VSIG10: variants seen among roughly 807,000 people sequenced by gnomAD.
VSIG10 encodes the protein V-set and immunoglobulin domain-containing protein 10.
In VSIG10, 48 loss-of-function variants were observed where a neutral mutation model predicts 58.7. The observed-to-expected ratio is 0.82, with a 90% CI of 0.65 to 1.04. The LOEUF is 1.04. Among genes scored for constraint, VSIG10 ranks in the 50% least tolerant of loss-of-function variants. The pLI, the probability that VSIG10 is intolerant of heterozygous loss-of-function variation, is 0.00. For synonymous variants in VSIG10, 260 were observed against 267.1 expected (o/e 0.97, Z 0.26); for missense variants, 628 against 670.0 (o/e 0.94, Z 0.69).
chr12:118,088,599 G>A (rs771708311), intron 2 of VSIG10, among the ~76,000 whole-genome samples: 13 of 152,098 alleles, frequency 8.5e-5, no homozygotes, highest in African/African-American at 1.9e-4. Flanking sequence ...CTAAATCTAC[G>A]CAAAAATGAG....
At chr12:118,071,585 G>A in intron 5 of VSIG10, 116 bp from the exon 6 acceptor site, 1 of 877,540 alleles carries the variant, frequency 1.1e-6, no homozygotes, top group Non-Finnish European at 1.9e-6. Context: ...CTTGGGTAAG[G>A]CTTATGACCT....
chr12:118,083,636 G>A (rs1230782276), intron 2 of VSIG10, among the ~76,000 whole-genome samples: 2 of 151,720 alleles, frequency 1.3e-5, no homozygotes, highest in African/African-American at 4.8e-5. Context: ...AGTCCCAGGC[G>A]CCCCCAGCAG....
rs766337791 is a variant in VSIG10, at chr12:118,087,855, A to AAAAAAAG, written c.362-5427_362-5426insCTTTTTT. Among the ~76,000 whole-genome samples, 14 of 131,318 alleles carry AAAAAAAG rather than the reference A, an allele frequency of 1.1e-4. No homozygotes were observed. The East Asian group carries it at 1.5e-3, about 14-fold the overall frequency. 86.1% of individuals were successfully genotyped at this position (131,318 alleles called of 152,430 possible). On this transcript the variant is annotated intron_variant, in intron 2 of 8. Transcript: ENST00000359236. ...CCTGTCTCAAAAAAAAAAAAAAAAA[A>AAAAAAAG]AGAGAGAGAAGGAGGTAATGTGACT...
rs971036199 is a variant in VSIG10 at position 118,087,209 on chromosome 12, T to G, written c.362-4780A>C. The stretch of plus-strand genomic sequence containing the variant: ...AAGACCCTTCAACTTCACCTTTCAA[T>G]TAACAGGGAGCAGTGCATACTCTTG... On this transcript the variant is annotated intron_variant, in intron 2 of 8. Transcript: ENST00000359236. Among the ~76,000 whole-genome samples, 5 of 152,116 alleles carry G rather than the reference T, an allele frequency of 3.3e-5. No homozygotes were observed. In the South Asian group the frequency reaches 8.3e-4, roughly 25 times the overall value.
At chr12:118,087,088 A>AAAAG (rs1174196645) in intron 2 of VSIG10, among the ~76,000 whole-genome samples, 4 of 151,888 alleles carry the variant, frequency 2.6e-5, no homozygotes, top group Admixed American at 1.3e-4. Context: ...AAAAAAAAAA[A>AAAAG]AAAGAAAGAA....
In VSIG10 at chr12:118,066,429, T is replaced by C. The variant is rs533725410; in HGVS notation, c.*210A>G. 11 of 591,784 alleles carry C rather than the reference T, an allele frequency of 1.9e-5. No homozygotes were observed. Among genetic ancestry groups the C allele is most frequent in the South Asian group, 1.7e-4 (9 of 51,796 alleles). 36.7% of individuals were successfully genotyped at this position (591,784 alleles called of 1,614,324 possible). ...TCCTTCTCAAAGCTTTTAAACATCA[T>C]TGGGAAAACTTAGAGCAAATCAAAC... On this transcript the variant is annotated 3_prime_UTR_variant, in exon 9 of 9. Transcript: ENST00000359236.
Position 118,068,614 on chromosome 12 carries a change from A to G in VSIG10, c.1347-17T>C. On this transcript the variant is annotated splice_polypyrimidine_tract_variant and intron_variant, in intron 7 of 8. Coordinates refer to ENST00000359236, the MANE Select transcript of VSIG10 (RefSeq NM_019086.6). Reference sequence around the variant, plus strand: ...TTTTGTCCCCTAATTTCCAAAGGGGAAAAATAATCAAGAAGATTTCTTATT... The same window carrying G: ...TTTTGTCCCCTAATTTCCAAAGGGGGAAAATAATCAAGAAGATTTCTTATT... 1 of 1,515,482 alleles carries G rather than the reference A, an allele frequency of 6.6e-7. No homozygotes were observed. Among genetic ancestry groups the G allele is most frequent in the Non-Finnish European group, 8.9e-7 (1 of 1,128,578 alleles). 93.9% of individuals were successfully genotyped at this position (1,515,482 alleles called of 1,614,324 possible).
Position 118,082,441 on chromosome 12 carries a change from A to G in VSIG10, c.362-12T>C, listed in dbSNP as rs755314184. 4 of 1,601,740 alleles carry G rather than the reference A, an allele frequency of 2.5e-6. No individual in the cohort carries two copies. Among genetic ancestry groups the G allele is most frequent in the Admixed American group, 3.4e-5 (2 of 59,378 alleles). On this transcript the variant is annotated splice_polypyrimidine_tract_variant and intron_variant, in intron 2 of 8. Coordinates refer to ENST00000359236, the MANE Select transcript of VSIG10 (RefSeq NM_019086.6). ...CTGATAGGGGCCGCCTGGGGATGAC[A>G]GGGGGAATAGGATGGCATTAATTAT...
rs201381615 is a variant in VSIG10, at chr12:118,079,423, G to A, written c.848C>T (p.Ser283Leu). The A allele has an allele frequency of 1.1e-3, 1,710 of 1,613,962 alleles. 4 individuals carry two copies. The highest frequency in any genetic ancestry group is 1.2e-3 in the Non-Finnish European group (1,405 of 1,179,888). Residue 283 changes from serine (S) to leucine (L), a missense_variant, in exon 4 of 9, where the codon TCG becomes TTG. Coordinates refer to ENST00000359236, the MANE Select transcript of VSIG10 (RefSeq NM_019086.6). ...AACACACTTGAACTTCTTGCCATCC[G>A]ACAGCTGGGACTCGCTCAGCATTTC... ...GVEMLSESQL[S>L]DGKKFKCVTS...
At chr12:118,071,303 T>A in intron 6 of VSIG10, 56 bp downstream of exon 6, 1 of 1,537,014 alleles carries the variant, frequency 6.5e-7, no homozygotes, top group South Asian at 1.1e-5. Context: ...TCCTTCCCCA[T>A]CCCGCACCTT....
chr12:118,088,240 G>GAAAA (rs61475209), intron 2 of VSIG10, among the ~76,000 whole-genome samples: 2 of 93,028 alleles, frequency 2.1e-5, no homozygotes, highest in Non-Finnish European at 2.3e-5. Context: ...CTGTGTCTCA[G>GAAAA]AAAAAAAAAA....
intron 2 of VSIG10, among the ~76,000 whole-genome samples, chr12:118,086,166 A>T (rs939113533): frequency 3.0e-4 from 45 of 151,364 alleles, no homozygotes; most frequent in African/African-American, 9.9e-4. Context: ...CTCAAAAAAA[A>T]AAAAGCACAA....
At chr12:118,069,332 C>T (rs2032385735) in intron 7 of VSIG10, among the ~76,000 whole-genome samples, 1 of 151,898 alleles carries the variant, frequency 6.6e-6, no homozygotes, top group African/African-American at 2.4e-5. Flanking sequence ...TCAAGTGATC[C>T]AACCACCTTG....
chr12:118,086,158 CA>C (rs34389356), intron 2 of VSIG10, among the ~76,000 whole-genome samples: 34,833 of 138,058 alleles, frequency 0.25, 4,956 homozygotes, highest in Middle Eastern at 0.4. Context: ...AACTTTGTCT[CA>C]AAAAAAAAAA....
chr12:118,101,836 A>G (rs2033630330), intron 1 of VSIG10: 1 of 152,238 alleles, frequency 6.6e-6, no homozygotes, highest in South Asian at 2.1e-4. Context: ...TCTGGGCATC[A>G]AAATAGCTGG....
chr12:118,077,812 C>G (rs2032785810), intron 4 of VSIG10, among the ~76,000 whole-genome samples: 1 of 152,172 alleles, frequency 6.6e-6, no homozygotes, highest in African/African-American at 2.4e-5. Context: ...GGAGTGAGGA[C>G]TTCAAAAGTA....
intron 7 of VSIG10, among the ~76,000 whole-genome samples, chr12:118,069,655 G>A (rs2032404375): frequency 1.3e-5 from 2 of 151,834 alleles, no homozygotes; most frequent in East Asian, 1.9e-4. Context: ...TCGAACTCCC[G>A]ACCTCAGGTG....
In VSIG10 at chr12:118,073,989, C is replaced by T; in HGVS notation, c.929G>A (p.Gly310Asp). ...CATGGGCTCAGAGAGAAGGGAGGGA[C>T]CCCCTGGTGATCAGAAGGTAAACAA... ...SGASCMVQIR[G>D]PSLLSEPMKT... Residue 310 changes from glycine to aspartate, a missense_variant, in exon 5 of 9, where the codon GGT becomes GAT. Coordinates refer to ENST00000359236, the MANE Select transcript of VSIG10 (RefSeq NM_019086.6). 1 of 1,546,120 alleles carries T rather than the reference C, an allele frequency of 6.5e-7. No individual in the cohort carries two copies. Among genetic ancestry groups the T allele is most frequent in the South Asian group, 1.3e-5 (1 of 79,754 alleles).
At position 118,066,428 on chromosome 12, in the gene VSIG10, A is replaced by T. The variant is rs2032248003; in HGVS notation, c.*211T>A. The stretch of plus-strand genomic sequence containing the variant: ...TTCCTTCTCAAAGCTTTTAAACATC[A>T]TTGGGAAAACTTAGAGCAAATCAAA... On this transcript the variant is annotated 3_prime_UTR_variant, in exon 9 of 9. Transcript: ENST00000359236. The T allele has an allele frequency of 1.7e-6, 1 of 592,516 alleles. No homozygotes were observed. The highest frequency in any genetic ancestry group is 1.9e-5 in the South Asian group (1 of 51,754). The allele number at this position is 592,516 out of a possible 1,614,324, so 36.7% of individuals were successfully genotyped here. A position where few individuals can be genotyped will look rare whatever the true frequency, so the allele number is the denominator to read the frequency against.
Sources: gnomAD v4.1 joint callset for allele counts (sites outside exome capture counted in the v4.1 genomes callset) on GRCh38, gnomAD v4.1.1 for gene constraint, MANE v1.5 for transcripts, NCBI Gene and HGNC (gene_info 2026-07-23, HGNC 2026-07-21) for gene names.